Variants in CADPS2 observed in about 807,000 individuals in gnomAD.
The protein encoded by CADPS2 is calcium dependent secretion activator 2.
In CADPS2, 93 loss-of-function variants were observed where a neutral mutation model predicts 172.5. The observed-to-expected ratio is 0.54, with a 90% CI of 0.46 to 0.64. The LOEUF is 0.64. CADPS2 is among the 30% of genes least tolerant of loss of function. The pLI is 0.00. For synonymous variants in CADPS2, 546 were observed against 555.2 expected (o/e 0.98, Z 0.23); for missense variants, 1,420 against 1,565.9 (o/e 0.91, Z 1.57).
chr7:122,698,131 T>G (rs771694332), intron 2 of CADPS2: 2 of 1,613,994 alleles, frequency 1.2e-6, no homozygotes, highest in Non-Finnish European at 1.7e-6. Context: ...ATTAGGCTTA[T>G]AGCGTTCAAA....
intron 15 of CADPS2, among the ~76,000 whole-genome samples, chr7:122,442,784 G>GTT (rs148549043): frequency 1.3e-5 from 2 of 148,520 alleles, no homozygotes; most frequent in Admixed American, 6.7e-5. Flanking sequence ...AGTCACTCAA[G>GTT]TTTTTTTTTT....
At chr7:122,520,383 C>A (rs2060693411) in intron 8 of CADPS2, among the ~76,000 whole-genome samples, 1 of 151,172 alleles carries the variant, frequency 6.6e-6, no homozygotes, top group South Asian at 2.1e-4. Context: ...ATTCTGATTT[C>A]TTTTCTTTTA....
chr7:122,542,540 T>C (rs2063207717), intron 8 of CADPS2, among the ~76,000 whole-genome samples: 1 of 152,146 alleles, frequency 6.6e-6, no homozygotes, highest in Non-Finnish European at 1.5e-5. Flanking sequence ...TGTCTTTCTA[T>C]AAATAAAACA....
At chr7:122,662,429 G>A (rs2080696237) in intron 3 of CADPS2, among the ~76,000 whole-genome samples, 2 of 145,422 alleles carry the variant, frequency 1.4e-5, no homozygotes, top group Admixed American at 7.0e-5. Flanking sequence ...AGGCTGGAGT[G>A]CAGTGGCACG....
At chr7:122,732,908 A>T (rs1208958468) in intron 2 of CADPS2, among the ~76,000 whole-genome samples, 1 of 146,404 alleles carries the variant, frequency 6.8e-6, no homozygotes, top group East Asian at 1.9e-4. Context: ...TATAATATAC[A>T]TTATATATTA....
rs1213848026 is a variant in CADPS2, at chr7:122,712,637, G to A, written c.453+24318C>T. 3.9e-5 allele frequency among the ~76,000 whole-genome samples: 6 copies of A among 152,122 alleles called. No individual in the cohort carries two copies. The South Asian group carries it at 1.2e-3, about 32-fold the overall frequency. The stretch of plus-strand genomic sequence containing the variant: ...AATAAGGTATGAAGGAAGGACCAGA[G>A]AAGCACAGTATCTTAGTCTGTTTGG... On this transcript the variant is annotated intron_variant, in intron 2 of 29. Coordinates refer to ENST00000449022, the MANE Select transcript of CADPS2 (RefSeq NM_017954.11).
At chr7:122,747,908 T>A (rs2092786792) in intron 1 of CADPS2, among the ~76,000 whole-genome samples, 1 of 152,120 alleles carries the variant, frequency 6.6e-6, no homozygotes, top group Non-Finnish European at 1.5e-5. Flanking sequence ...AGAAATCTCC[T>A]TCTTTCTGCT....
At chr7:122,748,732 T>C (rs2092824785) in intron 1 of CADPS2, among the ~76,000 whole-genome samples, 1 of 152,170 alleles carries the variant, frequency 6.6e-6, no homozygotes, top group Admixed American at 6.6e-5. Flanking sequence ...TCATCATCTT[T>C]GTGCACCATC....
At chr7:122,339,612 C>T (rs2036464912) in intron 28 of CADPS2, among the ~76,000 whole-genome samples, 1 of 152,182 alleles carries the variant, frequency 6.6e-6, no homozygotes, top group Non-Finnish European at 1.5e-5. Flanking sequence ...GCAGGCCGGG[C>T]ATGGTGGCTC....
At chr7:122,630,429 A>G (rs2076470237) in intron 3 of CADPS2, among the ~76,000 whole-genome samples, 1 of 151,816 alleles carries the variant, frequency 6.6e-6, no homozygotes, top group Admixed American at 6.6e-5. Context: ...AAAAGTCTGG[A>G]GGTGAGGAGG....
intron 2 of CADPS2, among the ~76,000 whole-genome samples, chr7:122,666,174 A>G (rs1179306984): frequency 2.0e-5 from 3 of 152,168 alleles, no homozygotes; most frequent in Non-Finnish European, 4.4e-5. Context: ...TATATATTAC[A>G]TTATATACAC....
chr7:122,366,529 T>C (rs915712491), intron 25 of CADPS2, among the ~76,000 whole-genome samples: 2 of 150,152 alleles, frequency 1.3e-5, no homozygotes, highest in Admixed American at 1.3e-4. Context: ...CGCTTGAACC[T>C]GGGAGATGGA....
At chr7:122,626,043 C>T (rs182728626) in intron 4 of CADPS2, among the ~76,000 whole-genome samples, 9 of 152,264 alleles carry the variant, frequency 5.9e-5, no homozygotes, top group Admixed American at 2.0e-4. Flanking sequence ...AGGAGGCCAC[C>T]ATCGCCAAAG....
chr7:122,875,916 C>T (rs1484440380), intron 1 of CADPS2, among the ~76,000 whole-genome samples: 1 of 152,114 alleles, frequency 6.6e-6, no homozygotes, highest in Non-Finnish European at 1.5e-5. Flanking sequence ...CCTTGGTCCT[C>T]TTTAAAAGCA....
chr7:122,820,594 C>G lies in CADPS2; in HGVS notation c.339+65405G>C, dbSNP rs542918030. Among the ~76,000 whole-genome samples the G allele has an allele frequency of 1.5e-3, 165 of 109,336 alleles. 13 individuals are homozygous for G. The highest frequency in any genetic ancestry group is 5.8e-3 in the African/African-American group (157 of 27,086). 71.7% of individuals were successfully genotyped at this position (109,336 alleles called of 152,430 possible). A position where few individuals can be genotyped will look rare whatever the true frequency, so the allele number is the denominator to read the frequency against. ...TTTTTTTTTGAGACGGAGTCTCGCT[C>G]TGTCGCCCAGGCTGGAGTGCAGTGG... On this transcript the variant is annotated intron_variant, in intron 1 of 29. Transcript: ENST00000449022.
chr7:122,754,300 T>C (rs929566001), intron 1 of CADPS2, among the ~76,000 whole-genome samples: 4 of 152,200 alleles, frequency 2.6e-5, no homozygotes, highest in African/African-American at 9.6e-5. Flanking sequence ...TATCCACTTC[T>C]GCTTTTGTTT....
intron 14 of CADPS2, among the ~76,000 whole-genome samples, chr7:122,470,793 G>A (rs1259826756): frequency 6.6e-6 from 1 of 152,108 alleles, no homozygotes; most frequent in East Asian, 1.9e-4. Flanking sequence ...ACCACACGCG[G>A]CATGATATGG....
At chr7:122,343,982 A>C (rs1202514389) in intron 28 of CADPS2, among the ~76,000 whole-genome samples, 4 of 152,198 alleles carry the variant, frequency 2.6e-5, no homozygotes, top group Admixed American at 2.6e-4. Flanking sequence ...ACACATATTA[A>C]CACTTAGCTT....
chr7:122,814,570 CTAAG>C (rs1243475891), intron 1 of CADPS2, among the ~76,000 whole-genome samples: 1 of 152,008 alleles, frequency 6.6e-6, no homozygotes, highest in Non-Finnish European at 1.5e-5. Context: ...TGTCTATAAA[CTAAG>C]TTTTATTGGA....
Sources: allele counts gnomAD v4.1 joint callset (sites outside exome capture counted in the v4.1 genomes callset), GRCh38; gene constraint gnomAD v4.1.1; transcripts MANE v1.5; gene names NCBI Gene and HGNC (gene_info 2026-07-23, HGNC 2026-07-21).